ZBTB20: variants seen among roughly 807,000 people sequenced by gnomAD.
ZBTB20 encodes the protein zinc finger and BTB domain-containing protein 20.
In ZBTB20, 9 loss-of-function variants were observed where a neutral mutation model predicts 56.9. That is an observed-to-expected ratio of 0.16 (90% confidence interval 0.10 to 0.28). ZBTB20 has a LOEUF of 0.28. Among genes scored for constraint, ZBTB20 ranks in the 10% least tolerant of loss-of-function variants. The pLI is 1.00. For synonymous variants in ZBTB20, 417 were observed against 420.7 expected (o/e 0.99, Z 0.11); for missense variants, 655 against 1,003.0 (o/e 0.65, Z 4.69).
At chr3:114,579,544 A>G (rs143460147) in intron 6 of ZBTB20, among the ~76,000 whole-genome samples, 4 of 151,618 alleles carry the variant, frequency 2.6e-5, no homozygotes, top group African/African-American at 4.8e-5. Flanking sequence ...AAAAATATAA[A>G]AAAAAAGAAG....
intron 6 of ZBTB20, among the ~76,000 whole-genome samples, chr3:114,655,492 T>C (rs1472498579): frequency 6.6e-6 from 1 of 151,904 alleles, no homozygotes; most frequent in East Asian, 1.9e-4. Context: ...GACCTCATGA[T>C]CCACCCGCCT....
At chr3:114,514,775 C>T (rs1359393099) in intron 6 of ZBTB20, among the ~76,000 whole-genome samples, 4 of 152,124 alleles carry the variant, frequency 2.6e-5, no homozygotes, top group Non-Finnish European at 4.4e-5. Context: ...CCTCTGTAGA[C>T]TCTCTAACAG....
At chr3:114,964,630 G>A (rs1488221038) in intron 3 of ZBTB20, among the ~76,000 whole-genome samples, 3 of 152,140 alleles carry the variant, frequency 2.0e-5, no homozygotes, top group African/African-American at 4.8e-5. Flanking sequence ...CATCCACAGT[G>A]TATTTAAAAG....
intron 7 of ZBTB20, among the ~76,000 whole-genome samples, chr3:114,458,766 T>C (rs2092176730): frequency 6.6e-6 from 1 of 151,994 alleles, no homozygotes; most frequent in African/African-American, 2.4e-5. Context: ...ACTAGAATAA[T>C]CTTCAAATTA....
At chr3:115,056,108 A>G (rs1485475034) in intron 2 of ZBTB20, among the ~76,000 whole-genome samples, 1 of 152,162 alleles carries the variant, frequency 6.6e-6, no homozygotes, top group Non-Finnish European at 1.5e-5. Context: ...AAATAATGAG[A>G]GATACATATA....
chr3:114,785,764 T>C (rs2070434862), intron 5 of ZBTB20, among the ~76,000 whole-genome samples: 1 of 152,206 alleles, frequency 6.6e-6, no homozygotes, highest in Admixed American at 6.5e-5. Flanking sequence ...ATTGTGCATG[T>C]GTGTGAGTAT....
chr3:114,690,142 C>G (rs1269986925), intron 6 of ZBTB20, among the ~76,000 whole-genome samples: 1 of 152,044 alleles, frequency 6.6e-6, no homozygotes, highest in African/African-American at 2.4e-5. Context: ...GTGCTTTGCT[C>G]TACCAGTTTT....
chr3:114,541,099 T>C (rs2049057456), intron 6 of ZBTB20, among the ~76,000 whole-genome samples: 1 of 152,090 alleles, frequency 6.6e-6, no homozygotes, highest in South Asian at 2.1e-4. Flanking sequence ...GAATCCCAGA[T>C]TTACTTCTTG....
At chr3:114,508,404 T>C (rs1310275199) in intron 6 of ZBTB20, among the ~76,000 whole-genome samples, 1 of 152,132 alleles carries the variant, frequency 6.6e-6, no homozygotes, top group African/African-American at 2.4e-5. Flanking sequence ...TTTAAAGCAG[T>C]TTGCCACTTT....
chr3:115,119,908 G>C (rs1439212775), intron 1 of ZBTB20, among the ~76,000 whole-genome samples: 1 of 151,856 alleles, frequency 6.6e-6, no homozygotes, highest in East Asian at 1.9e-4. Flanking sequence ...ATTACTAAAT[G>C]AAAGAAGCCA....
intron 5 of ZBTB20, among the ~76,000 whole-genome samples, chr3:114,742,407 A>C (rs747244749): frequency 5.3e-5 from 8 of 152,164 alleles, no homozygotes; most frequent in Non-Finnish European, 2.9e-5. Context: ...TTCATAAATT[A>C]AAGTGCCCCC....
chr3:114,581,429 T>C (rs1238240520), intron 6 of ZBTB20, among the ~76,000 whole-genome samples: 1 of 151,986 alleles, frequency 6.6e-6, no homozygotes, highest in Admixed American at 6.6e-5. Flanking sequence ...TGAGTTAATA[T>C]TAAAAGCTTT....
chr3:114,479,541 A>G (rs987887852), intron 7 of ZBTB20, among the ~76,000 whole-genome samples: 1 of 152,208 alleles, frequency 6.6e-6, no homozygotes, highest in Non-Finnish European at 1.5e-5. Flanking sequence ...GCTCTAAATG[A>G]TTGAACAAGC....
chr3:114,384,567 A>C (rs2084854218), intron 8 of ZBTB20, among the ~76,000 whole-genome samples: 1 of 152,242 alleles, frequency 6.6e-6, no homozygotes, highest in African/African-American at 2.4e-5. Flanking sequence ...TCCAAGGAGA[A>C]CAAAAACATT....
At chr3:114,662,252 G>T (rs947358347) in intron 6 of ZBTB20, among the ~76,000 whole-genome samples, 29 of 151,968 alleles carry the variant, frequency 1.9e-4, no homozygotes, top group African/African-American at 7.0e-4. Flanking sequence ...TTTTATGGCT[G>T]CATAGTATTC....
chr3:114,544,190 T>A (rs1401371470), intron 6 of ZBTB20, among the ~76,000 whole-genome samples: 1 of 152,222 alleles, frequency 6.6e-6, no homozygotes, highest in Non-Finnish European at 1.5e-5. Context: ...TTTAATTATG[T>A]TAAAGAAATT....
chr3:115,035,858 G>A (rs1469639958), intron 2 of ZBTB20, among the ~76,000 whole-genome samples: 1 of 152,102 alleles, frequency 6.6e-6, no homozygotes, highest in East Asian at 1.9e-4. Context: ...CACAAATTGT[G>A]ATATATATAC....
At chr3:114,407,854 T>C (rs1231116129) in intron 7 of ZBTB20, among the ~76,000 whole-genome samples, 1 of 151,074 alleles carries the variant, frequency 6.6e-6, no homozygotes, top group Non-Finnish European at 1.5e-5. Flanking sequence ...CTAAGCAAAC[T>C]AATAACCTTA....
rs141743873 is a variant in ZBTB20 at position 115,014,457 on chromosome 3, G to C, written c.-506-40041C>G. Reference sequence around the variant, plus strand: ...CTACAAAGGATAAATGCTTGAAGTGGTGGATACTCGATACTCCATTTACTC... The same window carrying C: ...CTACAAAGGATAAATGCTTGAAGTGCTGGATACTCGATACTCCATTTACTC... On this transcript the variant is annotated intron_variant, in intron 2 of 11. Coordinates refer to ENST00000675478, the MANE Select transcript of ZBTB20 (RefSeq NM_001348800.3). Among the ~76,000 whole-genome samples, 497 of 151,632 alleles carry C rather than the reference G, an allele frequency of 3.3e-3. 7 individuals are homozygous for C. Among genetic ancestry groups the C allele is most frequent in the African/African-American group, 0.011 (469 of 41,424 alleles).
Sources: gnomAD v4.1 joint callset for allele counts (sites outside exome capture counted in the v4.1 genomes callset) on GRCh38, gnomAD v4.1.1 for gene constraint, MANE v1.5 for transcripts, NCBI Gene and HGNC (gene_info 2026-07-23, HGNC 2026-07-21) for gene names.